The following CCDC85C variants were observed in gnomAD, a reference collection of about 807,000 sequenced individuals.
CCDC85C encodes coiled-coil domain-containing protein 85C.
A neutral mutation model predicts 38.3 loss-of-function variants in CCDC85C; 18 were observed. That is an observed-to-expected ratio of 0.47 (90% CI 0.33 to 0.70). The LOEUF is 0.70. Among genes scored for constraint, CCDC85C ranks in the 30% least tolerant of loss-of-function variants. The pLI is 0.03. For synonymous variants in CCDC85C, 264 were observed against 293.8 expected, an observed-to-expected ratio of 0.90 and a Z score of 1.04; for missense variants, 566 against 621.2, an observed-to-expected ratio of 0.91 and a Z score of 0.94.
At chr14:99,577,836 C>T (rs1224127322) in intron 1 of CCDC85C, among the ~76,000 whole-genome samples, 1 of 147,076 alleles carries the variant, frequency 6.8e-6, no homozygotes, top group African/African-American at 2.6e-5. Flanking sequence ...CCATACAGCC[C>T]GTCCTGTATC....
At chr14:99,523,194 G>A (rs921618315) in intron 2 of CCDC85C, among the ~76,000 whole-genome samples, 8 of 152,158 alleles carry the variant, frequency 5.3e-5, no homozygotes, top group African/African-American at 1.9e-4. Flanking sequence ...GGGAGGCCCA[G>A]GCTGGGGCTG....
chr14:99,603,768 C>T lies in CCDC85C; in HGVS notation c.192G>A (p.Leu64=), dbSNP rs2055238156. Residue 64 remains leucine (L), a synonymous_variant, in exon 1 of 6, where the codon CTG becomes CTA. Transcript: ENST00000380243. This position sits in a 1 kb window ranked among gnomAD's most constrained non-coding sequence, Gnocchi z 7.5. The stretch of plus-strand genomic sequence containing the variant: ...CGTCCTTGAGGCCGCGGATCTCCAG[C>T]AGGTGCTGCTGCAGCCGCCGGTTCA... ...RDVNRRLQQH[L]LEIRGLKDVN... 1.3e-6 allele frequency: 2 copies of T among 1,525,256 alleles called. No individual in the cohort carries two copies. Among genetic ancestry groups the T allele is most frequent in the Non-Finnish European group, 1.8e-6 (2 of 1,142,226 alleles). The allele number at this position is 1,525,256 out of a possible 1,614,324, so 94.5% of individuals were successfully genotyped here. A position where few individuals can be genotyped will look rare whatever the true frequency, so the allele number is the denominator to read the frequency against.
chr14:99,596,930 C>T (rs536277856), intron 1 of CCDC85C, among the ~76,000 whole-genome samples: 1 of 152,174 alleles, frequency 6.6e-6, no homozygotes, highest in Non-Finnish European at 1.5e-5. Context: ...CTCCCACAGG[C>T]GCTGTCCTGC....
In CCDC85C at chr14:99,509,882, C is replaced by T. The variant is rs936441602; in HGVS notation, c.*5364G>A. On this transcript the variant is annotated 3_prime_UTR_variant, in exon 6 of 6. Transcript: ENST00000380243. Reference sequence around the variant, plus strand: ...CTGGGGCCAGGGCACAAGGGGGCTTCGGGTGCTGCCGAGACTGCCTGTAGG... The same window carrying T: ...CTGGGGCCAGGGCACAAGGGGGCTTTGGGTGCTGCCGAGACTGCCTGTAGG... The T allele has an allele frequency of 3.9e-5, 20 of 519,236 alleles. No individual in the cohort carries two copies. The highest frequency in any genetic ancestry group is 1.8e-4 in the Admixed American group (5 of 27,134). The allele number at this position is 519,236 out of a possible 1,614,324, so 32.2% of individuals were successfully genotyped here.
intron 2 of CCDC85C, among the ~76,000 whole-genome samples, chr14:99,528,720 AC>A (rs1566762672): frequency 6.6e-6 from 1 of 152,130 alleles, no homozygotes; most frequent in Non-Finnish European, 1.5e-5. Flanking sequence ...GGCAAAGATG[AC>A]CTGCAAGGTC....
At position 99,502,553 on chromosome 14, in the gene CCDC85C, T is replaced by A. The variant is rs1168171853; in HGVS notation, c.*12693A>T. On this transcript the variant is annotated 3_prime_UTR_variant, in exon 6 of 6. Coordinates refer to ENST00000380243, the MANE Select transcript of CCDC85C (RefSeq NM_001144995.2). ...ACTTTGTCCAAACACATACTTTTGG[T>A]AAACTAAAAATACACACCAGTGTTG... 27 of 1,268,114 alleles carry A rather than the reference T, an allele frequency of 2.1e-5. No homozygotes were observed. Among genetic ancestry groups the A allele is most frequent in the Non-Finnish European group, 2.9e-5 (27 of 931,790 alleles). 78.6% of individuals were successfully genotyped at this position (1,268,114 alleles called of 1,614,324 possible).
rs1897087185 is a variant in CCDC85C, at chr14:99,510,210, G to T, written c.*5036C>A. On this transcript the variant is annotated 3_prime_UTR_variant, in exon 6 of 6. Coordinates refer to ENST00000380243, the MANE Select transcript of CCDC85C (RefSeq NM_001144995.2). ...AGGTGAGGCTGAGCCGCCGGGCCCT[G>T]TGGATGCCACTGACCTCCCCAAAGT... 1 of 1,597,698 alleles carries T rather than the reference G, an allele frequency of 6.3e-7. No individual in the cohort carries two copies. Among genetic ancestry groups the T allele is most frequent in the Non-Finnish European group, 8.5e-7 (1 of 1,175,302 alleles).
chr14:99,568,434 G>C (rs985455519), intron 1 of CCDC85C, among the ~76,000 whole-genome samples: 1 of 151,952 alleles, frequency 6.6e-6, no homozygotes, highest in Non-Finnish European at 1.5e-5. Context: ...TCCTCTCTCA[G>C]AACCTCTGTC....
rs1329629885 is a variant in CCDC85C, at chr14:99,515,145, A to T, written c.*101T>A. On this transcript the variant is annotated 3_prime_UTR_variant, in exon 6 of 6. Coordinates refer to ENST00000380243, the MANE Select transcript of CCDC85C (RefSeq NM_001144995.2). ...CCTATGTACAGTTCACCACAGAGGA[A>T]GAAGACAGGGGCTGGGCTGGAGGTC... 3 of 819,876 alleles carry T rather than the reference A, an allele frequency of 3.7e-6. No individual in the cohort carries two copies. Among genetic ancestry groups the T allele is most frequent in the Non-Finnish European group, 5.8e-6 (3 of 514,824 alleles). The allele number at this position is 819,876 out of a possible 1,614,324, so 50.8% of individuals were successfully genotyped here. A position where few individuals can be genotyped will look rare whatever the true frequency, so the allele number is the denominator to read the frequency against.
In CCDC85C at chr14:99,546,059, G is replaced by T. The variant is rs899018321; in HGVS notation, c.794-9971C>A. On this transcript the variant is annotated intron_variant, in intron 1 of 5. Coordinates refer to ENST00000380243, the MANE Select transcript of CCDC85C (RefSeq NM_001144995.2). ...ATCGCGCAGGACTGAAGTCTGCATGGGGGGGGGGAATAAACAACCCTTACC... is the reference window on the plus strand; with the variant it reads ...ATCGCGCAGGACTGAAGTCTGCATGTGGGGGGGGAATAAACAACCCTTACC... Among the ~76,000 whole-genome samples, 17 of 118,418 alleles carry T rather than the reference G, an allele frequency of 1.4e-4. No homozygotes were observed. The East Asian group carries it at 1.6e-3, about 11-fold the overall frequency. 77.7% of individuals were successfully genotyped at this position (118,418 alleles called of 152,430 possible). A position where few individuals can be genotyped will look rare whatever the true frequency, so the allele number is the denominator to read the frequency against.
rs1199751579 is a variant in CCDC85C, at chr14:99,505,126, G to A, written c.*10120C>T. 6.6e-6 allele frequency: 1 copy of A among 152,348 alleles called. No homozygotes were observed. The highest frequency in any genetic ancestry group is 1.5e-5 in the Non-Finnish European group (1 of 68,126). The allele number at this position is 152,348 out of a possible 1,614,324, so 9.4% of individuals were successfully genotyped here. A position where few individuals can be genotyped will look rare whatever the true frequency, so the allele number is the denominator to read the frequency against. On this transcript the variant is annotated 3_prime_UTR_variant, in exon 6 of 6. Coordinates refer to ENST00000380243, the MANE Select transcript of CCDC85C (RefSeq NM_001144995.2). ...TTGGCAGAGGCAAGGGAAGCCATTGGAGATTTAGCAGGGGAATGGCAGAGT... is the reference window on the plus strand; with the variant it reads ...TTGGCAGAGGCAAGGGAAGCCATTGAAGATTTAGCAGGGGAATGGCAGAGT...
rs1384365760 is a variant in CCDC85C, at chr14:99,513,986, C to T, written c.*1260G>A. On this transcript the variant is annotated 3_prime_UTR_variant, in exon 6 of 6. Transcript: ENST00000380243. ...GATGCCAGAATCCTGTGAGGAGGGC[C>T]TTATGCTGCCCATTTTACTACTGAG... The T allele has an allele frequency of 6.6e-6, 1 of 152,280 alleles. No homozygotes were observed. The highest frequency in any genetic ancestry group is 1.5e-5 in the Non-Finnish European group (1 of 68,068). The allele number at this position is 152,280 out of a possible 1,614,324, so 9.4% of individuals were successfully genotyped here.
chr14:99,538,788 A>T (rs1293669280), intron 1 of CCDC85C, among the ~76,000 whole-genome samples: 1 of 152,216 alleles, frequency 6.6e-6, no homozygotes, highest in African/African-American at 2.4e-5. Context: ...TTTCACACCC[A>T]CTTCCCAGTA....
At chr14:99,537,579 G>A (rs562247836) in intron 1 of CCDC85C, among the ~76,000 whole-genome samples, 38 of 152,204 alleles carry the variant, frequency 2.5e-4, no homozygotes, top group African/African-American at 2.2e-4. Context: ...GGGGAAGAGC[G>A]CAAACCAGCC....
At chr14:99,598,452 G>A (rs756326216) in intron 1 of CCDC85C, among the ~76,000 whole-genome samples, 1 of 152,182 alleles carries the variant, frequency 6.6e-6, no homozygotes, top group African/African-American at 2.4e-5. Flanking sequence ...AGCCAGCCTC[G>A]TGCAGAGAAG....
In CCDC85C at chr14:99,525,053, C is replaced by T. The variant is rs79226044; in HGVS notation, c.868-2813G>A. On this transcript the variant is annotated intron_variant, in intron 2 of 5. Transcript: ENST00000380243. Reference sequence around the variant, plus strand: ...AATCCGCATTACTCACTTCTAGAGCCTCCAGAGGGCAGCATGAGTGTCCTG... The same window carrying T: ...AATCCGCATTACTCACTTCTAGAGCTTCCAGAGGGCAGCATGAGTGTCCTG... Among the ~76,000 whole-genome samples the T allele has an allele frequency of 8.7e-4, 133 of 152,364 alleles. 2 individuals carry two copies. In the East Asian group the frequency reaches 0.025, roughly 29 times the overall value.
chr14:99,518,579 T>C (rs1897259909), intron 3 of CCDC85C, among the ~76,000 whole-genome samples: 1 of 151,068 alleles, frequency 6.6e-6, no homozygotes, highest in Non-Finnish European at 1.5e-5. Flanking sequence ...AAGGCGGCAC[T>C]CCCCGCGCCA....
Position 99,510,597 on chromosome 14 carries a change from C to A in CCDC85C, c.*4649G>T. The A allele has an allele frequency of 1.4e-6, 1 of 711,184 alleles. No individual in the cohort carries two copies. Among genetic ancestry groups the A allele is most frequent in the Non-Finnish European group, 2.1e-6 (1 of 470,620 alleles). 44.1% of individuals were successfully genotyped at this position (711,184 alleles called of 1,614,324 possible). ...CACCTACAACCCCAACTTCCCACCC[C>A]CACCCCCACGCCTCCCGCCTACCCA... is the stretch of plus-strand genomic sequence containing the variant. On this transcript the variant is annotated 3_prime_UTR_variant, in exon 6 of 6. Coordinates refer to ENST00000380243, the MANE Select transcript of CCDC85C (RefSeq NM_001144995.2).
At position 99,504,825 on chromosome 14, in the gene CCDC85C, C is replaced by G. The variant is rs1228296559; in HGVS notation, c.*10421G>C. Reference sequence around the variant, plus strand: ...ACACAAGAACGGGCTACACTCCATGCCACATGAAATGCAATTGAGTTGACG... The same window carrying G: ...ACACAAGAACGGGCTACACTCCATGGCACATGAAATGCAATTGAGTTGACG... On this transcript the variant is annotated 3_prime_UTR_variant, in exon 6 of 6. Transcript: ENST00000380243. 6.6e-6 allele frequency: 1 copy of G among 152,304 alleles called. No individual in the cohort carries two copies. The highest frequency in any genetic ancestry group is 6.5e-5 in the Admixed American group (1 of 15,298). 9.4% of individuals were successfully genotyped at this position (152,304 alleles called of 1,614,324 possible). A position where few individuals can be genotyped will look rare whatever the true frequency, so the allele number is the denominator to read the frequency against.
Sources: gnomAD v4.1 joint callset for allele counts (sites outside exome capture counted in the v4.1 genomes callset) on GRCh38, gnomAD v4.1.1 for gene constraint, Gnocchi (gnomAD v3.1) non-coding constraint, MANE v1.5 for transcripts, NCBI Gene and HGNC (gene_info 2026-07-23, HGNC 2026-07-21) for gene names.